TTC9: variants seen among roughly 807,000 people sequenced by gnomAD.
TTC9 encodes tetratricopeptide repeat protein 9A.
Under a neutral mutation model 22.9 loss-of-function variants are expected in TTC9, and 13 were observed. That is an observed-to-expected ratio of 0.57 (90% confidence interval 0.37 to 0.90). TTC9 has a LOEUF of 0.90. Ranked by LOEUF, TTC9 falls within the 40% of genes least tolerant of loss-of-function variation. TTC9 has a pLI of 0.01. For synonymous variants in TTC9, 148 were observed against 133.2 expected (o/e 1.11, Z -0.77); for missense variants, 280 against 291.8 (o/e 0.96, Z 0.29).
intron 1 of TTC9, among the ~76,000 whole-genome samples, chr14:70,666,951 T>G (rs1051880202): frequency 6.6e-5 from 10 of 152,170 alleles, no homozygotes; most frequent in African/African-American, 2.4e-4. Flanking sequence ...ACTGGGTGAC[T>G]TGAGATAATA....
Position 70,655,509 on chromosome 14 carries a change from G to A in TTC9, c.407-12055G>A, listed in dbSNP as rs553537386. Among the ~76,000 whole-genome samples the A allele has an allele frequency of 4.6e-5, 7 of 152,172 alleles. No individual in the cohort carries two copies. The East Asian group carries it at 1.4e-3, about 29-fold the overall frequency. On this transcript the variant is annotated intron_variant, in intron 1 of 2. Transcript: ENST00000256367. ...TATTTCCTTGCCGTTTTTCTTCCGT[G>A]TGGGTGTATGATCATTTATATGTAA...
chr14:70,655,232 A>G (rs1234400830), intron 1 of TTC9, among the ~76,000 whole-genome samples: 1 of 152,144 alleles, frequency 6.6e-6, no homozygotes, highest in Admixed American at 6.5e-5. Context: ...TGTCTCTACT[A>G]AAAATACAAA....
In TTC9 at chr14:70,642,552, C is replaced by G; in HGVS notation, c.406+17C>G. On this transcript the variant is annotated intron_variant, in intron 1 of 2. Transcript: ENST00000256367. ...GCCTGGCAGGTGAGCCGCGCCGCGC[C>G]CCCCGCGCCGCGGTCCCCGTTCTTC... is the stretch of plus-strand genomic sequence containing the variant. The G allele has an allele frequency of 6.5e-7, 1 of 1,527,566 alleles. No individual in the cohort carries two copies. The highest frequency in any genetic ancestry group is 2.5e-5 in the East Asian group (1 of 39,412). The allele number at this position is 1,527,566 out of a possible 1,614,324, so 94.6% of individuals were successfully genotyped here.
At position 70,662,947 on chromosome 14, in the gene TTC9, A is replaced by G. The variant is rs557001943; in HGVS notation, c.407-4617A>G. On this transcript the variant is annotated intron_variant, in intron 1 of 2. Coordinates refer to ENST00000256367, the MANE Select transcript of TTC9 (RefSeq NM_015351.2). ...ACGGCTCTACCTTGCAAATGTGGAC[A>G]GCAGAGAGAAAATATTGCAGAAATT... 6.9e-4 allele frequency among the ~76,000 whole-genome samples: 105 copies of G among 152,366 alleles called. 2 individuals are homozygous for G. Among genetic ancestry groups the G allele is most frequent in the South Asian group, 4.3e-3 (21 of 4,828 alleles).
At chr14:70,655,340 G>A (rs532275872) in intron 1 of TTC9, among the ~76,000 whole-genome samples, 1 of 152,078 alleles carries the variant, frequency 6.6e-6, no homozygotes, top group Admixed American at 6.5e-5. Flanking sequence ...GTTGCAGTGA[G>A]CCGAGATCGC....
intron 1 of TTC9, among the ~76,000 whole-genome samples, chr14:70,663,716 G>A (rs760735217): frequency 1.1e-4 from 17 of 152,122 alleles, no homozygotes; most frequent in Non-Finnish European, 2.2e-4. Context: ...TGGGTGGGGG[G>A]GCGGGTGTCA....
chr14:70,669,759 T>C (rs990858058), intron 2 of TTC9, among the ~76,000 whole-genome samples: 6 of 152,208 alleles, frequency 3.9e-5, no homozygotes, highest in East Asian at 1.9e-4. Context: ...AGACTAACCA[T>C]TGGACTCATT....
rs1885820235 is a variant in TTC9 at position 70,642,120 on chromosome 14, C to G, written c.-10C>G. Reference sequence around the variant, plus strand: ...TCGCGGCGCGCACCAGGCGCCGGGGCGGCGGCCGAATGGAGAGAAAGGGCT... The same window carrying G: ...TCGCGGCGCGCACCAGGCGCCGGGGGGGCGGCCGAATGGAGAGAAAGGGCT... On this transcript the variant is annotated 5_prime_UTR_variant, in exon 1 of 3. Transcript: ENST00000256367. The G allele has an allele frequency of 1.6e-5, 18 of 1,115,708 alleles. No homozygotes were observed. The highest frequency in any genetic ancestry group is 2.0e-5 in the Non-Finnish European group (18 of 913,394). 69.1% of individuals were successfully genotyped at this position (1,115,708 alleles called of 1,614,324 possible).
chr14:70,651,061 A>G (rs1041102138), intron 1 of TTC9, among the ~76,000 whole-genome samples: 11 of 152,106 alleles, frequency 7.2e-5, no homozygotes, highest in African/African-American at 2.7e-4. Flanking sequence ...GCTCACTGCA[A>G]CCTCTGCCAC....
chr14:70,644,445 T>A (rs1425455431), intron 1 of TTC9, among the ~76,000 whole-genome samples: 1 of 152,226 alleles, frequency 6.6e-6, no homozygotes, highest in Non-Finnish European at 1.5e-5. Context: ...CCATACATTG[T>A]CTCTTTAAAT....
intron 1 of TTC9, among the ~76,000 whole-genome samples, chr14:70,655,226 TCTA>T (rs1886044904): frequency 6.6e-6 from 1 of 152,128 alleles, no homozygotes; most frequent in African/African-American, 2.4e-5. Context: ...AAACCCTGTC[TCTA>T]CTAAAAATAC....
At chr14:70,665,452 AGG>A (rs1886202056) in intron 1 of TTC9, among the ~76,000 whole-genome samples, 1 of 152,150 alleles carries the variant, frequency 6.6e-6, no homozygotes, top group African/African-American at 2.4e-5. Flanking sequence ...ATGGAGAGAG[AGG>A]GAGGAGAGGG....
rs528163428 is a variant in TTC9 at position 70,642,067 on chromosome 14, C to CGCGGCGGCG, written c.-49_-41dup. 19 of 996,188 alleles carry CGCGGCGGCG rather than the reference C, an allele frequency of 1.9e-5. No individual in the cohort carries two copies. The Admixed American group carries it at 3.5e-4, about 18-fold the overall frequency. 61.7% of individuals were successfully genotyped at this position (996,188 alleles called of 1,614,324 possible). A position where few individuals can be genotyped will look rare whatever the true frequency, so the allele number is the denominator to read the frequency against. ...CCCGCGGCTTTTAAACCCGGGAAGGCGCGGCGGCGGCGGCGGCGGCGGGCA... is the reference window on the plus strand; with the variant it reads ...CCCGCGGCTTTTAAACCCGGGAAGGCGCGGCGGCGGCGGCGGCGGCGGCGGCGGCGGGCA... On this transcript the variant is annotated 5_prime_UTR_variant, in exon 1 of 3. Coordinates refer to ENST00000256367, the MANE Select transcript of TTC9 (RefSeq NM_015351.2).
intron 1 of TTC9, among the ~76,000 whole-genome samples, chr14:70,643,183 G>C (rs937201192): frequency 6.6e-6 from 1 of 152,160 alleles, no homozygotes; most frequent in Non-Finnish European, 1.5e-5. Context: ...GGTTGGGCTT[G>C]AACTATGCTG....
intron 1 of TTC9, among the ~76,000 whole-genome samples, chr14:70,651,235 G>T (rs1885981027): frequency 6.6e-6 from 1 of 152,164 alleles, no homozygotes; most frequent in Admixed American, 6.5e-5. Flanking sequence ...CCCTGCCTTG[G>T]CCTCCCAGCA....
At chr14:70,664,903 G>T (rs1173560163) in intron 1 of TTC9, among the ~76,000 whole-genome samples, 1 of 152,044 alleles carries the variant, frequency 6.6e-6, no homozygotes, top group East Asian at 1.9e-4. Context: ...TCTGAACCCT[G>T]GTCCACAGCC....
At chr14:70,643,885 C>T (rs1885865925) in intron 1 of TTC9, among the ~76,000 whole-genome samples, 1 of 152,104 alleles carries the variant, frequency 6.6e-6, no homozygotes, top group African/African-American at 2.4e-5. Context: ...GTAGTAGCAG[C>T]AGTTGGAGGA....
chr14:70,661,965 AC>A (rs1207376224), intron 1 of TTC9, among the ~76,000 whole-genome samples: 1 of 151,936 alleles, frequency 6.6e-6, no homozygotes, highest in Non-Finnish European at 1.5e-5. Flanking sequence ...CTCTGCTATC[AC>A]CCTGTTTGGC....
At chr14:70,650,785 T>C (rs1040802413) in intron 1 of TTC9, among the ~76,000 whole-genome samples, 2 of 152,152 alleles carry the variant, frequency 1.3e-5, no homozygotes, top group Admixed American at 1.3e-4. Context: ...AAACCTATAT[T>C]ACTTGAAAAG....
Sources: allele counts gnomAD v4.1 joint callset (sites outside exome capture counted in the v4.1 genomes callset), GRCh38; gene constraint gnomAD v4.1.1; transcripts MANE v1.5; gene names NCBI Gene and HGNC (gene_info 2026-07-23, HGNC 2026-07-21).